Variants in FAM149B1 observed in about 807,000 individuals in gnomAD.
FAM149B1 encodes primary cilium assembly protein FAM149B1.
A neutral mutation model predicts 75.3 loss-of-function variants in FAM149B1; 56 were observed. The ratio of observed to expected loss-of-function variants is 0.74; its 90% CI spans 0.60 to 0.93. The LOEUF (loss-of-function observed/expected upper bound fraction) is 0.93, where lower values mean the gene tolerates loss of function less well. FAM149B1 is among the 40% of genes least tolerant of loss of function. The pLI, the probability that FAM149B1 is intolerant of heterozygous loss-of-function variation, is 0.00. For missense variants in FAM149B1, 639 were observed against 708.4 expected (o/e 0.90, Z 1.11); for synonymous variants, 259 against 256.1 (o/e 1.01, Z -0.11).
intron 7 of FAM149B1, among the ~76,000 whole-genome samples, chr10:73,215,882 G>A (rs918556482): frequency 1.3e-5 from 2 of 152,222 alleles, no homozygotes; most frequent in African/African-American, 4.8e-5. Flanking sequence ...TGTATATTCT[G>A]TAGTTTTTGA....
In FAM149B1 at chr10:73,200,421, G is replaced by A. The variant is rs754671423; in HGVS notation, c.542+6828G>A. On this transcript the variant is annotated intron_variant, in intron 5 of 13. Transcript: ENST00000242505. ...GGAGCAACCTGTCATGCCTGCATTG[G>A]TGGAACAAATGTTCAAAATGAATGC... 8.4e-4 allele frequency: 510 copies of A among 610,548 alleles called. 3 individuals are homozygous for A. Among genetic ancestry groups the A allele is most frequent in the Admixed American group, 2.8e-3 (148 of 53,430 alleles). The allele number at this position is 610,548 out of a possible 1,614,324, so 37.8% of individuals were successfully genotyped here.
intron 2 of FAM149B1, among the ~76,000 whole-genome samples, chr10:73,175,531 A>G (rs1564677254): frequency 6.6e-6 from 1 of 151,848 alleles, no homozygotes; most frequent in African/African-American, 2.4e-5. Context: ...TTAGCCAGGC[A>G]TGGTGGTGGG....
chr10:73,236,266 C>T (rs1272782039), intron 12 of FAM149B1, among the ~76,000 whole-genome samples: 1 of 152,144 alleles, frequency 6.6e-6, no homozygotes, highest in African/African-American at 2.4e-5. Flanking sequence ...GTTCCAGAGG[C>T]GAGAAGTTCA....
At chr10:73,202,035 C>T (rs1480906467) in intron 5 of FAM149B1, among the ~76,000 whole-genome samples, 1 of 152,072 alleles carries the variant, frequency 6.6e-6, no homozygotes, top group Non-Finnish European at 1.5e-5. Context: ...CGTGGTGGCA[C>T]ACACCTGTAA....
chr10:73,192,465 C>A (rs1421780975), intron 3 of FAM149B1, 91 bp from the exon 4 acceptor site: 3 of 1,286,662 alleles, frequency 2.3e-6, no homozygotes, highest in East Asian at 2.7e-5. Flanking sequence ...AATATGTAAA[C>A]AAAACAAGTC....
rs1327170193 is a variant in FAM149B1, at chr10:73,192,624, G to A, written c.351G>A (p.Glu117=). ...MFTAIDELLY[E]QKLSVHTKSL... ...CAGCCATTGATGAACTCTTGTATGA[G>A]CAGAAGTTGAGTGTGCATACCAAGA... The change falls in exon 4 of 14, where the codon GAG becomes GAA. Residue 117 remains glutamate, a synonymous_variant. Transcript: ENST00000242505. 2 of 1,551,664 alleles carry A rather than the reference G, an allele frequency of 1.3e-6. No homozygotes were observed. The highest frequency in any genetic ancestry group is 1.7e-6 in the Non-Finnish European group (2 of 1,146,934).
chr10:73,240,584 T>C (rs542060111), intron 13 of FAM149B1, among the ~76,000 whole-genome samples: 32 of 151,992 alleles, frequency 2.1e-4, no homozygotes, highest in Non-Finnish European at 3.4e-4. Flanking sequence ...TGGTGGCAGA[T>C]GCCTGTAGTC....
intron 9 of FAM149B1, 48 bp downstream of exon 9, chr10:73,230,573 A>C (rs755542776): frequency 1.8e-5 from 20 of 1,084,430 alleles, no homozygotes; most frequent in Admixed American, 8.0e-5. Context: ...AGGGAAACAG[A>C]GGGAAAGCAA....
chr10:73,240,915 T>G, intron 13 of FAM149B1, 31 bp from the exon 14 acceptor site: 2 of 1,302,478 alleles, frequency 1.5e-6, no homozygotes, highest in Non-Finnish European at 2.2e-6. Flanking sequence ...ACCTAGACTG[T>G]CTACTAATGT....
Position 73,243,962 on chromosome 10 carries a change from AC to A in FAM149B1, c.*2945del. On this transcript the variant is annotated 3_prime_UTR_variant, in exon 14 of 14. Transcript: ENST00000242505. ...AGGAACTCACATGAGACTCAGGGCCACCAGGAAATGCTTAAAATACATACTC... is the reference window on the plus strand; with the variant it reads ...AGGAACTCACATGAGACTCAGGGCCACAGGAAATGCTTAAAATACATACTC... 6.4e-7 allele frequency: 1 copy of A among 1,567,300 alleles called. No individual in the cohort carries two copies. Among genetic ancestry groups the A allele is most frequent in the Non-Finnish European group, 8.7e-7 (1 of 1,145,534 alleles).
chr10:73,182,831 A>G (rs1403697033), intron 3 of FAM149B1, among the ~76,000 whole-genome samples: 1 of 152,170 alleles, frequency 6.6e-6, no homozygotes, highest in Non-Finnish European at 1.5e-5. Context: ...ATAAACCCGG[A>G]GAGATAATAC....
At chr10:73,227,176 T>C (rs1420747250) in intron 7 of FAM149B1, among the ~76,000 whole-genome samples, 5 of 152,154 alleles carry the variant, frequency 3.3e-5, no homozygotes, top group Non-Finnish European at 7.4e-5. Context: ...CAGCCTCAAC[T>C]ACCTGGGCTG....
At chr10:73,181,005 A>G (rs545684183) in intron 3 of FAM149B1, among the ~76,000 whole-genome samples, 2 of 143,052 alleles carry the variant, frequency 1.4e-5, no homozygotes, top group Non-Finnish European at 3.0e-5. Context: ...TTGCTTTTCT[A>G]GTTCTTTTTT....
intron 3 of FAM149B1, chr10:73,183,379 T>C (rs77252091): frequency 8.1e-4 from 123 of 152,298 alleles, no homozygotes; most frequent in African/African-American, 2.8e-3. Context: ...TATAAGGTTA[T>C]TATATTTGTG....
chr10:73,208,812 T>C, intron 6 of FAM149B1, 26 bp downstream of exon 6: 2 of 1,374,942 alleles, frequency 1.5e-6, no homozygotes, highest in Non-Finnish European at 1.9e-6. Context: ...TTTAAGCTTT[T>C]TACTCCCCTC....
chr10:73,205,466 C>T (rs1438145352), intron 5 of FAM149B1, among the ~76,000 whole-genome samples: 1 of 152,170 alleles, frequency 6.6e-6, no homozygotes, highest in African/African-American at 2.4e-5. Flanking sequence ...TAGCACTATG[C>T]TTCCTGTACA....
chr10:73,198,958 G>T (rs192306606), intron 5 of FAM149B1, among the ~76,000 whole-genome samples: 4 of 152,242 alleles, frequency 2.6e-5, no homozygotes, highest in Admixed American at 2.6e-4. Flanking sequence ...ATCCTGGAGG[G>T]CCTTGCAGTA....
At chr10:73,240,518 C>T (rs1020537666) in intron 13 of FAM149B1, among the ~76,000 whole-genome samples, 2 of 152,132 alleles carry the variant, frequency 1.3e-5, no homozygotes, top group Admixed American at 6.5e-5. Flanking sequence ...TGAGACCATC[C>T]TGGCTAACAT....
chr10:73,226,147 T>A (rs2043540448), intron 7 of FAM149B1, among the ~76,000 whole-genome samples: 2 of 151,760 alleles, frequency 1.3e-5, no homozygotes, highest in Admixed American at 1.3e-4. Flanking sequence ...ACCCATGGGC[T>A]ATAGTTTGCC....
Sources: gnomAD v4.1 joint callset for allele counts (sites outside exome capture counted in the v4.1 genomes callset) on GRCh38, gnomAD v4.1.1 for gene constraint, MANE v1.5 for transcripts, NCBI Gene and HGNC (gene_info 2026-07-23, HGNC 2026-07-21) for gene names.